The following WWOX variants were observed in gnomAD, a reference collection of about 807,000 sequenced individuals.
WWOX encodes WW domain containing oxidoreductase.
Under a neutral mutation model 46.2 loss-of-function variants are expected in WWOX, and 69 were observed. The observed-to-expected ratio is 1.49, with a 90% CI of 1.23 to 1.82. The LOEUF is 1.82. WWOX is among the 40% of genes most tolerant of loss of function. The probability of loss-of-function intolerance (pLI) is 0.00; values close to 1 mark genes in which losing one functional copy is unlikely to be tolerated. For synonymous variants in WWOX, 359 were observed against 202.6 expected, an observed-to-expected ratio of 1.77 and a Z score of -6.56; for missense variants, 919 against 542.6, an observed-to-expected ratio of 1.69 and a Z score of -6.89.
chr16:78,358,052 C>G (rs761881931), intron 5 of WWOX, among the ~76,000 whole-genome samples: 9 of 152,148 alleles, frequency 5.9e-5, no homozygotes, highest in South Asian at 4.1e-4. Context: ...TGCACGAGAA[C>G]TTTTTCATCT....
At chr16:78,141,430 CTTTT>C (rs10639685) in intron 4 of WWOX, among the ~76,000 whole-genome samples, 4 of 118,962 alleles carry the variant, frequency 3.4e-5, no homozygotes, top group Admixed American at 9.1e-5. Flanking sequence ...CATCCCCCTT[CTTTT>C]TTTTTTTTTT....
chr16:78,490,427 G>T (rs1029518333), intron 8 of WWOX, among the ~76,000 whole-genome samples: 1 of 152,108 alleles, frequency 6.6e-6, no homozygotes, highest in African/African-American at 2.4e-5. Context: ...GACTCCTTTG[G>T]TGCTCGTAAT....
chr16:78,579,282 A>C (rs1182558270), intron 8 of WWOX, among the ~76,000 whole-genome samples: 3 of 152,172 alleles, frequency 2.0e-5, no homozygotes, highest in Non-Finnish European at 4.4e-5. Context: ...CTTAAATTGC[A>C]GTAGAGTGTG....
intron 8 of WWOX, among the ~76,000 whole-genome samples, chr16:78,704,704 C>T (rs921478401): frequency 6.6e-6 from 1 of 152,094 alleles, no homozygotes; most frequent in Non-Finnish European, 1.5e-5. Context: ...TAATAGTAAG[C>T]AGACAGTTTT....
At chr16:78,625,394 A>C (rs2046289071) in intron 8 of WWOX, among the ~76,000 whole-genome samples, 1 of 152,082 alleles carries the variant, frequency 6.6e-6, no homozygotes, top group South Asian at 2.1e-4. Context: ...CACAATCCAC[A>C]ACCTACTACT....
At chr16:78,995,373 T>G (rs964015045) in intron 8 of WWOX, among the ~76,000 whole-genome samples, 2 of 152,050 alleles carry the variant, frequency 1.3e-5, no homozygotes, top group Non-Finnish European at 2.9e-5. Context: ...GTGGACTGCG[T>G]TCTTTGGGGT....
intron 8 of WWOX, among the ~76,000 whole-genome samples, chr16:78,789,250 C>T (rs1413826604): frequency 6.6e-6 from 1 of 152,182 alleles, no homozygotes; most frequent in Non-Finnish European, 1.5e-5. Context: ...AACCACCCCT[C>T]TATTTTCTTC....
At chr16:78,838,075 C>T (rs542007633) in intron 8 of WWOX, among the ~76,000 whole-genome samples, 1 of 152,154 alleles carries the variant, frequency 6.6e-6, no homozygotes. Flanking sequence ...GGCTGTGTGC[C>T]TTCTGCTTTG....
chr16:79,018,412 T>G (rs185742566), intron 8 of WWOX, among the ~76,000 whole-genome samples: 1 of 152,312 alleles, frequency 6.6e-6, no homozygotes, highest in Non-Finnish European at 1.5e-5. Flanking sequence ...TTGTGAGCAA[T>G]CAGATACTTT....
rs1357474895 is a variant in WWOX, at chr16:78,888,027, A to G, written c.1057-323581A>G. Among the ~76,000 whole-genome samples, 8 of 152,232 alleles carry G rather than the reference A, an allele frequency of 5.3e-5. No homozygotes were observed. In the East Asian group the frequency reaches 1.5e-3, roughly 29 times the overall value. ...ACTTGTCAGAGAGGACAGGTGCATT[A>G]GAATATAACTGTATGGCGATCCTTC... On this transcript the variant is annotated intron_variant, in intron 8 of 8. Transcript: ENST00000566780.
At chr16:78,772,419 C>A (rs2050087399) in intron 8 of WWOX, among the ~76,000 whole-genome samples, 1 of 151,428 alleles carries the variant, frequency 6.6e-6, no homozygotes, top group South Asian at 2.1e-4. Flanking sequence ...ATATTCACTA[C>A]TTTTTTTTTA....
At chr16:78,769,517 A>G (rs945431746) in intron 8 of WWOX, among the ~76,000 whole-genome samples, 4 of 41,216 alleles carry the variant, frequency 9.7e-5, no homozygotes, top group Admixed American at 9.2e-4. Context: ...AATCCCTCCC[A>G]CCCACCCCCC....
chr16:78,837,975 TC>T (rs2052035167), intron 8 of WWOX, among the ~76,000 whole-genome samples: 1 of 152,192 alleles, frequency 6.6e-6, no homozygotes, highest in Non-Finnish European at 1.5e-5. Context: ...TTTGTGTTGT[TC>T]CAAAGGTTTC....
intron 8 of WWOX, chr16:78,899,739 C>G (rs1455926341): frequency 1.3e-5 from 2 of 152,196 alleles, no homozygotes; most frequent in Admixed American, 6.5e-5. Context: ...TTAAGGAGAT[C>G]TCTGTGATCC....
At chr16:79,054,969 G>T (rs1000096784) in intron 8 of WWOX, among the ~76,000 whole-genome samples, 1 of 152,214 alleles carries the variant, frequency 6.6e-6, no homozygotes, top group African/African-American at 2.4e-5. Flanking sequence ...GAGAGTTTGT[G>T]TGTGCAATGG....
chr16:78,832,922 C>T (rs895708471), intron 8 of WWOX, among the ~76,000 whole-genome samples: 1 of 152,026 alleles, frequency 6.6e-6, no homozygotes, highest in African/African-American at 2.4e-5. Flanking sequence ...AAGTAAGAAA[C>T]TTTCTTTAAA....
chr16:78,881,854 G>C (rs2044349407), intron 8 of WWOX, among the ~76,000 whole-genome samples: 1 of 152,178 alleles, frequency 6.6e-6, no homozygotes, highest in Non-Finnish European at 1.5e-5. Context: ...CAGGCACGGT[G>C]GCTCATGCCT....
intron 8 of WWOX, among the ~76,000 whole-genome samples, chr16:78,974,509 G>C (rs549505771): frequency 6.6e-6 from 1 of 152,168 alleles, no homozygotes; most frequent in African/African-American, 2.4e-5. Flanking sequence ...TGATGAATCC[G>C]TCTCTGTTAA....
chr16:78,695,039 T>C (rs1393419858), intron 8 of WWOX, among the ~76,000 whole-genome samples: 3 of 152,202 alleles, frequency 2.0e-5, no homozygotes, highest in Non-Finnish European at 4.4e-5. Flanking sequence ...TTCTTTCAAA[T>C]GCTCTTCCAA....
Sources: allele counts gnomAD v4.1 joint callset (sites outside exome capture counted in the v4.1 genomes callset), GRCh38; gene constraint gnomAD v4.1.1; transcripts MANE v1.5; gene names NCBI Gene and HGNC (gene_info 2026-07-23, HGNC 2026-07-21).